The following GLDN variants were observed in gnomAD, a reference collection of about 807,000 sequenced individuals.
The protein encoded by GLDN is collomin.
A neutral mutation model predicts 56.5 loss-of-function variants in GLDN; 47 were observed. The observed-to-expected ratio is 0.83, with a 90% CI of 0.66 to 1.06. GLDN has a LOEUF of 1.06. Ranked by LOEUF, GLDN falls within the 50% of genes least tolerant of loss-of-function variation. GLDN has a pLI of 0.00. For synonymous variants in GLDN, 332 were observed against 278.8 expected, an observed-to-expected ratio of 1.19 and a Z score of -1.90; for missense variants, 782 against 714.3, an observed-to-expected ratio of 1.09 and a Z score of -1.08.
intron 1 of GLDN, among the ~76,000 whole-genome samples, chr15:51,371,483 T>C (rs1361203417): frequency 6.6e-6 from 1 of 152,230 alleles, no homozygotes; most frequent in Non-Finnish European, 1.5e-5. Context: ...GTTCTTTTTC[T>C]CCTGGGGCCT....
chr15:51,400,800 C>T (rs2038233304), intron 8 of GLDN, among the ~76,000 whole-genome samples: 1 of 152,174 alleles, frequency 6.6e-6, no homozygotes, highest in South Asian at 2.1e-4. Context: ...TCATAAACCT[C>T]CAAACCATAA....
intron 4 of GLDN, among the ~76,000 whole-genome samples, chr15:51,387,404 G>A (rs1402158412): frequency 6.6e-6 from 1 of 152,154 alleles, no homozygotes; most frequent in Non-Finnish European, 1.5e-5. Flanking sequence ...GTGCTCTGAG[G>A]TACAGTGATA....
At chr15:51,390,192 A>G (rs1338893458) in intron 4 of GLDN, among the ~76,000 whole-genome samples, 2 of 152,242 alleles carry the variant, frequency 1.3e-5, no homozygotes, top group African/African-American at 2.4e-5. Context: ...GTTATTAGGA[A>G]GATTAAATGA....
chr15:51,371,406 T>G (rs543482784), intron 1 of GLDN, among the ~76,000 whole-genome samples: 3 of 152,372 alleles, frequency 2.0e-5, no homozygotes, highest in African/African-American at 7.2e-5. Flanking sequence ...CCAAGTTATG[T>G]CCCATCTCTG....
At chr15:51,342,095 TG>T (rs902610798) in intron 1 of GLDN, 48 bp downstream of exon 1, 4 of 1,582,280 alleles carry the variant, frequency 2.5e-6, no homozygotes, top group African/African-American at 1.4e-5. Flanking sequence ...GGTGGGCGGC[TG>T]GGGGTGTGGG....
chr15:51,365,566 C>T (rs180808285), intron 1 of GLDN, among the ~76,000 whole-genome samples: 153 of 152,256 alleles, frequency 1.0e-3, no homozygotes, highest in African/African-American at 3.6e-3. Flanking sequence ...ACAGACAGGT[C>T]ATCGAGGTTT....
chr15:51,390,187 T>C (rs2037987030), intron 4 of GLDN, among the ~76,000 whole-genome samples: 1 of 152,200 alleles, frequency 6.6e-6, no homozygotes, highest in Admixed American at 6.5e-5. Flanking sequence ...ATAATGTTAT[T>C]AGGAAGATTA....
intron 3 of GLDN, 81 bp from the exon 4 acceptor site, chr15:51,383,704 G>A (rs2037820320): frequency 1.8e-6 from 2 of 1,130,756 alleles, no homozygotes; most frequent in Non-Finnish European, 1.3e-6. Flanking sequence ...AGTTTCACTG[G>A]TAAAGGAAAT....
At chr15:51,367,065 T>C (rs562887718) in intron 1 of GLDN, among the ~76,000 whole-genome samples, 2 of 152,304 alleles carry the variant, frequency 1.3e-5, no homozygotes, top group East Asian at 3.9e-4. Flanking sequence ...TTGCATTTCC[T>C]ATTTCATCAG....
chr15:51,412,869 G>A (rs1389114316), downstream of GLDN, among the ~76,000 whole-genome samples: 1 of 151,974 alleles, frequency 6.6e-6, no homozygotes, highest in Non-Finnish European at 1.5e-5. Flanking sequence ...TGATATAGTT[G>A]CAACAGAAAC....
chr15:51,341,795 G>T lies in GLDN; in HGVS notation c.111G>T (p.Ala37=), dbSNP rs1355447090. ...TCAACGCTGCGGGCACGGTGTTCGC[G>T]CTGTGCCAGTGGCGCGGGCTGAGCT... ...SALNAAGTVF[A]LCQWRGLSSA... Residue 37 remains alanine (A), a synonymous_variant, in exon 1 of 10, where the codon GCG becomes GCT. Transcript: ENST00000335449. 2.6e-6 allele frequency: 4 copies of T among 1,511,202 alleles called. No individual in the cohort carries two copies. The highest frequency in any genetic ancestry group is 2.9e-5 in the African/African-American group (2 of 69,374). 93.6% of individuals were successfully genotyped at this position (1,511,202 alleles called of 1,614,324 possible). A position where few individuals can be genotyped will look rare whatever the true frequency, so the allele number is the denominator to read the frequency against.
intron 1 of GLDN, among the ~76,000 whole-genome samples, chr15:51,354,137 T>C (rs2037130756): frequency 6.6e-6 from 1 of 152,210 alleles, no homozygotes; most frequent in Non-Finnish European, 1.5e-5. Flanking sequence ...CTGAATCCGA[T>C]AGAGCAACCC....
intron 6 of GLDN, among the ~76,000 whole-genome samples, chr15:51,397,901 G>A (rs1348404695): frequency 6.6e-6 from 1 of 152,170 alleles, no homozygotes; most frequent in African/African-American, 2.4e-5. Flanking sequence ...GAAACAGTAT[G>A]GAAAGCTAAG....
In GLDN at chr15:51,406,818, A is replaced by T. The variant is rs2038393075; in HGVS notation, c.*2064A>T. 1 of 152,222 alleles carries T rather than the reference A, an allele frequency of 6.6e-6. No homozygotes were observed. The highest frequency in any genetic ancestry group is 1.5e-5 in the Non-Finnish European group (1 of 68,044). 9.4% of individuals were successfully genotyped at this position (152,222 alleles called of 1,614,324 possible). On this transcript the variant is annotated 3_prime_UTR_variant, in exon 10 of 10. Transcript: ENST00000335449. ...GTTGTACCATGTCACCTTAGCTTTT[A>T]AAAATACTCTTTTCAGATTCACGTT...
chr15:51,357,931 C>T (rs559608134), intron 1 of GLDN, among the ~76,000 whole-genome samples: 3 of 152,262 alleles, frequency 2.0e-5, no homozygotes, highest in South Asian at 2.1e-4. Flanking sequence ...CCCTGTCCCT[C>T]GTACCTGTCC....
chr15:51,360,686 C>A (rs1197718183), intron 1 of GLDN: 9 of 152,270 alleles, frequency 5.9e-5, no homozygotes, highest in African/African-American at 2.2e-4. Context: ...GGTATTTCTC[C>A]CACCCCCTAA....
chr15:51,360,020 C>T (rs1482032557), intron 1 of GLDN, among the ~76,000 whole-genome samples: 1 of 151,148 alleles, frequency 6.6e-6, no homozygotes, highest in African/African-American at 2.4e-5. Context: ...TCTTTGTCAC[C>T]TGACTCTACT....
chr15:51,394,791 C>T (rs2053418703), intron 4 of GLDN, 44 bp from the exon 5 acceptor site: 2 of 1,611,532 alleles, frequency 1.2e-6, no homozygotes, highest in African/African-American at 1.3e-5. Flanking sequence ...TGTGCCAGAA[C>T]TTTTTGCACC....
chr15:51,387,954 C>T (rs1414095220), intron 4 of GLDN, among the ~76,000 whole-genome samples: 9 of 152,206 alleles, frequency 5.9e-5, no homozygotes, highest in African/African-American at 2.2e-4. Flanking sequence ...GAAGATACTT[C>T]TCTCTTTCTC....
Sources: gnomAD v4.1 joint callset for allele counts (sites outside exome capture counted in the v4.1 genomes callset) on GRCh38, gnomAD v4.1.1 for gene constraint, MANE v1.5 for transcripts, NCBI Gene and HGNC (gene_info 2026-07-23, HGNC 2026-07-21) for gene names.